ATP8B1: variants seen among roughly 807,000 people sequenced by gnomAD.
ATP8B1 encodes the protein phospholipid-transporting ATPase IC.
A neutral mutation model predicts 149.9 loss-of-function variants in ATP8B1; 80 were observed. The ratio of observed to expected loss-of-function variants is 0.53; its 90% CI spans 0.45 to 0.64. The LOEUF is 0.64. Among genes scored for constraint, ATP8B1 ranks in the 30% least tolerant of loss-of-function variants. The pLI, the probability that ATP8B1 is intolerant of heterozygous loss-of-function variation, is 0.00. For synonymous variants in ATP8B1, 536 were observed against 562.8 expected (o/e 0.95, Z 0.67); for missense variants, 1,247 against 1,552.6 (o/e 0.80, Z 3.31).
rs566874548 is a variant in ATP8B1, at chr18:57,715,104, CAAAG to C, written c.182-8521_182-8518del. ...AGATAAACTTAACAAAGAGGAAACT[CAAAG>C]AAATTCAAGACAACACAGAAAAAGT... On this transcript the variant is annotated intron_variant, in intron 2 of 27. Transcript: ENST00000648908. 1.3e-3 allele frequency among the ~76,000 whole-genome samples: 201 copies of C among 152,150 alleles called. 2 individuals are homozygous for C. The highest frequency in any genetic ancestry group is 4.6e-3 in the African/African-American group (189 of 41,526).
At chr18:57,773,004 C>T (rs2080276323) in intron 1 of ATP8B1, among the ~76,000 whole-genome samples, 1 of 151,954 alleles carries the variant, frequency 6.6e-6, no homozygotes. Flanking sequence ...AATTCCAACA[C>T]TACGGGAGGC....
At chr18:57,752,598 T>A (rs62092623) in intron 1 of ATP8B1, among the ~76,000 whole-genome samples, 15,720 of 152,140 alleles carry the variant, frequency 0.1, 923 homozygotes, top group African/African-American at 0.16. Context: ...ATATAATTCT[T>A]ATATTTCCCC....
intron 1 of ATP8B1, among the ~76,000 whole-genome samples, chr18:57,761,873 C>A (rs2080161133): frequency 6.8e-6 from 1 of 146,962 alleles, no homozygotes; most frequent in Non-Finnish European, 1.5e-5. Context: ...TCACTTGAAC[C>A]TGGGAGGTGG....
Position 57,688,477 on chromosome 18 carries a change from GTGACTCTGTCCAAGAC to G in ATP8B1, c.1235_1250del (p.Arg412ProfsTer48). The G allele has an allele frequency of 6.2e-7, 1 of 1,614,192 alleles. No homozygotes were observed. Among genetic ancestry groups the G allele is most frequent in the Non-Finnish European group, 8.5e-7 (1 of 1,180,032 alleles). ...ACATTTGCAGGTCCCAGTTGATGAA[GTGACTCTGTCCAAGAC>G]GAATCACTTCCACGCTAGGAAGACA... On this transcript the variant is annotated frameshift_variant, in exon 13 of 28. Coordinates refer to ENST00000648908, the MANE Select transcript of ATP8B1 (RefSeq NM_001374385.1). LOFTEE classifies it high-confidence loss of function.
chr18:57,678,073 T>C (rs1198021055), intron 15 of ATP8B1, among the ~76,000 whole-genome samples: 1 of 152,150 alleles, frequency 6.6e-6, no homozygotes, highest in East Asian at 1.9e-4. Context: ...GGAAGACACT[T>C]GGACTAAAAA....
intron 1 of ATP8B1, among the ~76,000 whole-genome samples, chr18:57,739,022 G>A (rs575461127): frequency 2.6e-5 from 4 of 152,190 alleles, no homozygotes; most frequent in Non-Finnish European, 5.9e-5. Context: ...TTTAGACTCA[G>A]TTTCGCTCTG....
At chr18:57,704,092 G>A (rs148285441) in intron 4 of ATP8B1, among the ~76,000 whole-genome samples, 1,796 of 151,942 alleles carry the variant, frequency 0.012, 35 homozygotes, top group African/African-American at 0.04. Flanking sequence ...TCAGTCTCCC[G>A]AGTAGCTGGG....
intron 15 of ATP8B1, among the ~76,000 whole-genome samples, chr18:57,678,403 T>G (rs1178365542): frequency 7.0e-6 from 1 of 142,996 alleles, no homozygotes; most frequent in East Asian, 1.9e-4. Flanking sequence ...CTGGCCAACA[T>G]AGTGAAACCC....
At chr18:57,648,755 A>C in intron 27 of ATP8B1, 43 bp from the exon 28 acceptor site, 1 of 1,540,156 alleles carries the variant, frequency 6.5e-7, no homozygotes. Context: ...TAAGATCCAC[A>C]CCAGGGAGGA....
At chr18:57,684,253 A>T in intron 14 of ATP8B1, 61 bp from the exon 15 acceptor site, 1 of 1,529,444 alleles carries the variant, frequency 6.5e-7, no homozygotes, top group Non-Finnish European at 8.9e-7. Context: ...TTAACAAATG[A>T]CATGAACTTT....
chr18:57,654,203 T>G (rs1373952590), intron 23 of ATP8B1, 128 bp from the exon 24 acceptor site: 1 of 873,336 alleles, frequency 1.1e-6, no homozygotes, highest in East Asian at 2.6e-5. Flanking sequence ...ATGGGGGTCT[T>G]GCTATGTTGC....
At chr18:57,763,216 G>A (rs1405257386) in intron 1 of ATP8B1, among the ~76,000 whole-genome samples, 1 of 151,988 alleles carries the variant, frequency 6.6e-6, no homozygotes, top group Admixed American at 6.6e-5. Context: ...AACATGGAGA[G>A]GCCCTGTCTC....
intron 8 of ATP8B1, among the ~76,000 whole-genome samples, chr18:57,696,045 G>A (rs752788492): frequency 3.3e-5 from 5 of 152,182 alleles, no homozygotes; most frequent in Non-Finnish European, 2.9e-5. Context: ...AGGTAAGGTC[G>A]TGGGTGGGCA....
At chr18:57,800,354 T>A (rs1314322132) in intron 1 of ATP8B1, among the ~76,000 whole-genome samples, 3 of 152,114 alleles carry the variant, frequency 2.0e-5, no homozygotes, top group Non-Finnish European at 2.9e-5. Flanking sequence ...TAAAAAATTT[T>A]AAAAAACAAC....
chr18:57,795,228 C>A (rs1250400532), intron 1 of ATP8B1, among the ~76,000 whole-genome samples: 1 of 148,442 alleles, frequency 6.7e-6, no homozygotes, highest in Non-Finnish European at 1.5e-5. Context: ...CACAGACACA[C>A]ACACACACAT....
At chr18:57,796,978 C>T (rs771371418) in intron 1 of ATP8B1, among the ~76,000 whole-genome samples, 25 of 152,204 alleles carry the variant, frequency 1.6e-4, no homozygotes, top group Non-Finnish European at 3.1e-4. Flanking sequence ...TCTGGATCTA[C>T]AGATCATGCA....
At chr18:57,682,892 G>A (rs1359831484) in intron 15 of ATP8B1, among the ~76,000 whole-genome samples, 1 of 152,060 alleles carries the variant, frequency 6.6e-6, no homozygotes. Flanking sequence ...AAGCTGGAGG[G>A]TAATGGTGAG....
chr18:57,792,069 G>C lies in ATP8B1; in HGVS notation c.-26+10929C>G, dbSNP rs146936432. ...TGTCTTTAGAGTCACTGTGGACCAT[G>C]TAATCAATTGTGAAGGTGAGCCAAT... is the stretch of plus-strand genomic sequence containing the variant. On this transcript the variant is annotated intron_variant, in intron 1 of 27. Coordinates refer to ENST00000648908, the MANE Select transcript of ATP8B1 (RefSeq NM_001374385.1). Among the ~76,000 whole-genome samples, 1,063 of 152,248 alleles carry C rather than the reference G, an allele frequency of 7.0e-3. 7 individuals are homozygous for C. The highest frequency in any genetic ancestry group is 0.011 in the Non-Finnish European group (765 of 68,010).
At position 57,775,765 on chromosome 18, in the gene ATP8B1, C is replaced by T. The variant is rs142146403; in HGVS notation, c.-26+27233G>A. 4.7e-3 allele frequency among the ~76,000 whole-genome samples: 711 copies of T among 151,862 alleles called. 8 individuals carry two copies. Among genetic ancestry groups the T allele is most frequent in the African/African-American group, 0.017 (687 of 41,422 alleles). The stretch of plus-strand genomic sequence containing the variant: ...GTTCAAGCAATTCTCCTGCCTCAGC[C>T]TCCCAAGTAGCTGAGATTACAGACA... On this transcript the variant is annotated intron_variant, in intron 1 of 27. Coordinates refer to ENST00000648908, the MANE Select transcript of ATP8B1 (RefSeq NM_001374385.1).
Sources: allele counts gnomAD v4.1 joint callset (sites outside exome capture counted in the v4.1 genomes callset), GRCh38; gene constraint gnomAD v4.1.1; transcripts MANE v1.5; gene names NCBI Gene and HGNC (gene_info 2026-07-23, HGNC 2026-07-21).